The following OR2C3 variants were observed in gnomAD, a reference collection of about 807,000 sequenced individuals.
OR2C3 encodes olfactory receptor family 2 subfamily C member 3.
For synonymous variants in OR2C3, 178 were observed against 163.4 expected (o/e 1.09, Z -0.68); for missense variants, 425 against 401.5 (o/e 1.06, Z -0.50).
rs1393544729 is a variant in OR2C3 at position 247,529,750 on chromosome 1, C to T, written c.*1799G>A. The T allele has an allele frequency of 6.8e-5, 8 of 117,192 alleles. No individual in the cohort carries two copies. The highest frequency in any genetic ancestry group is 2.4e-4 in the East Asian group (1 of 4,194). The allele number at this position is 117,192 out of a possible 1,614,324, so 7.3% of individuals were successfully genotyped here. A position where few individuals can be genotyped will look rare whatever the true frequency, so the allele number is the denominator to read the frequency against. ...TTTTTTTTTTTTTTTTTTTTTGATG[C>T]GATTAACATTTAAATCAGTAGACTT... On this transcript the variant is annotated 3_prime_UTR_variant, in exon 3 of 3. Coordinates refer to ENST00000641802, the MANE Select transcript of OR2C3 (RefSeq NM_198074.6).
In OR2C3 at chr1:247,528,623, A is replaced by G. The variant is rs1666781282; in HGVS notation, c.*2926T>C. 1 of 152,238 alleles carries G rather than the reference A, an allele frequency of 6.6e-6. No homozygotes were observed. Among genetic ancestry groups the G allele is most frequent in the South Asian group, 2.1e-4 (1 of 4,828 alleles). The allele number at this position is 152,238 out of a possible 1,614,324, so 9.4% of individuals were successfully genotyped here. A position where few individuals can be genotyped will look rare whatever the true frequency, so the allele number is the denominator to read the frequency against. On this transcript the variant is annotated 3_prime_UTR_variant, in exon 3 of 3. Transcript: ENST00000641802. ...GTACCCCTCCAGGTGTTGCTGAAAG[A>G]TGGTGAGGAAGGGAAACTTCCCAGT... is the stretch of plus-strand genomic sequence containing the variant.
chr1:247,533,097 G>A (rs1333004639), intron 2 of OR2C3, among the ~76,000 whole-genome samples: 6 of 152,180 alleles, frequency 3.9e-5, no homozygotes, highest in Admixed American at 1.3e-4. Flanking sequence ...TTTTGCTGTC[G>A]TTAACTATAT....
In OR2C3 at chr1:247,531,902, T is replaced by C; in HGVS notation, c.610A>G (p.Ser204Gly). 6.2e-7 allele frequency: 1 copy of C among 1,614,146 alleles called. No individual in the cohort carries two copies. The highest frequency in any genetic ancestry group is 8.5e-7 in the Non-Finnish European group (1 of 1,180,024). The change falls in exon 3 of 3, where the codon AGC (serine) becomes GGC (glycine). Residue 204 changes from serine (S) to glycine (G), a missense_variant. Ser to Gly is a moderately conservative substitution (Grantham distance 56). Transcript: ENST00000641802. ...SLNEMEMYLA[S>G]FVFVVLPLGL... is the part of the protein sequence containing the mutation. ...AGAGGCAGGACAACAAAGACAAAGCTGGCCAGGTACATCTCCATCTCATTG... is the reference window on the plus strand; with the variant it reads ...AGAGGCAGGACAACAAAGACAAAGCCGGCCAGGTACATCTCCATCTCATTG...
In OR2C3 at chr1:247,531,913, A is replaced by G; in HGVS notation, c.599T>C (p.Met200Thr). The G allele has an allele frequency of 6.2e-7, 1 of 1,614,190 alleles. No individual in the cohort carries two copies. Among genetic ancestry groups the G allele is most frequent in the Non-Finnish European group, 8.5e-7 (1 of 1,180,030 alleles). The change falls in exon 3 of 3, where the codon ATG (methionine) becomes ACG (threonine). Residue 200 changes from methionine (M) to threonine (T), a missense_variant. Physicochemically the swap from Met to Thr is moderately conservative, Grantham distance 81 (BLOSUM62 -1). Coordinates refer to ENST00000641802, the MANE Select transcript of OR2C3 (RefSeq NM_198074.6). ...CVDTSLNEME[M>T]YLASFVFVVL... Reference sequence around the variant, plus strand: ...AACAAAGACAAAGCTGGCCAGGTACATCTCCATCTCATTGAGGCTGGTATC... The same window carrying G: ...AACAAAGACAAAGCTGGCCAGGTACGTCTCCATCTCATTGAGGCTGGTATC...
chr1:247,527,214 G>C lies in OR2C3; in HGVS notation c.*4335C>G, dbSNP rs1666716499. ...TGAGTTATGGTCATCATTCTCCTCTGTGCCAAACAGGGGCTGATGGATGGT... is the reference window on the plus strand; with the variant it reads ...TGAGTTATGGTCATCATTCTCCTCTCTGCCAAACAGGGGCTGATGGATGGT... On this transcript the variant is annotated 3_prime_UTR_variant, in exon 3 of 3. Transcript: ENST00000641802. This position sits in a 1 kb window ranked among gnomAD's most constrained non-coding sequence, Gnocchi z 4.6. 1.5e-5 allele frequency: 6 copies of C among 388,272 alleles called. 1 individual carries two copies. The highest frequency in any genetic ancestry group is 9.8e-5 in the South Asian group (5 of 51,194). The allele number at this position is 388,272 out of a possible 1,614,324, so 24.1% of individuals were successfully genotyped here. A position where few individuals can be genotyped will look rare whatever the true frequency, so the allele number is the denominator to read the frequency against.
At chr1:247,533,251 G>A (rs561913707) in intron 2 of OR2C3, among the ~76,000 whole-genome samples, 73 of 152,184 alleles carry the variant, frequency 4.8e-4, no homozygotes, top group Non-Finnish European at 9.3e-4. Flanking sequence ...TCAAAAAAGT[G>A]TTGGGGCTCA....
Position 247,530,851 on chromosome 1 carries a change from G to A in OR2C3, c.*698C>T, listed in dbSNP as rs1666911398. ...GCCCTCCACAGCCTAACGGCCTCCG[G>A]GCGCATTTGGGCGGCGCCATGTTTC... On this transcript the variant is annotated 3_prime_UTR_variant, in exon 3 of 3. Transcript: ENST00000641802. 1.1e-5 allele frequency: 1 copy of A among 87,518 alleles called. No individual in the cohort carries two copies. The highest frequency in any genetic ancestry group is 3.9e-5 in the African/African-American group (1 of 25,736). The allele number at this position is 87,518 out of a possible 1,614,324, so 5.4% of individuals were successfully genotyped here.
chr1:247,532,169 G>A lies in OR2C3; in HGVS notation c.343C>T (p.Leu115=). The change falls in exon 3 of 3, where the codon CTG becomes TTG. Residue 115 remains leucine (L), a synonymous_variant. Coordinates refer to ENST00000641802, the MANE Select transcript of OR2C3 (RefSeq NM_198074.6). ...SHWLGATECV[L]LATMSYDRYA... ...CGGTCATAGGACATGGTGGCCAGCA[G>A]GACACACTCGGTTGCCCCCAGCCAA... 1 of 1,614,068 alleles carries A rather than the reference G, an allele frequency of 6.2e-7. No individual in the cohort carries two copies. The highest frequency in any genetic ancestry group is 8.5e-7 in the Non-Finnish European group (1 of 1,180,008).
intron 1 of OR2C3, among the ~76,000 whole-genome samples, 198 bp from the exon 2 acceptor site, chr1:247,534,076 C>T (rs1158752658): frequency 6.6e-6 from 1 of 152,162 alleles, no homozygotes; most frequent in African/African-American, 2.4e-5. Context: ...TGAGGCCCTC[C>T]CTGACTGTGT....
Position 247,531,320 on chromosome 1 carries a change from T to C in OR2C3, c.*229A>G. The C allele has an allele frequency of 1.8e-6, 1 of 568,990 alleles. No homozygotes were observed. Among genetic ancestry groups the C allele is most frequent in the South Asian group, 2.3e-5 (1 of 44,156 alleles). 35.2% of individuals were successfully genotyped at this position (568,990 alleles called of 1,614,324 possible). On this transcript the variant is annotated 3_prime_UTR_variant, in exon 3 of 3. Transcript: ENST00000641802. ...ACAAAACAAGATGACAGTCAACATG[T>C]GTATATATAGCAAAAACCAACAACG...
Position 247,528,993 on chromosome 1 carries a change from ATG to A in OR2C3, c.*2554_*2555del, listed in dbSNP as rs1339545131. ...GCCAGCAGGCTTGCTCATTGAGCCT[ATG>A]AGAAATTTAACATGGAAGCAGGGAT... On this transcript the variant is annotated 3_prime_UTR_variant, in exon 3 of 3. Coordinates refer to ENST00000641802, the MANE Select transcript of OR2C3 (RefSeq NM_198074.6). 6.6e-6 allele frequency: 1 copy of A among 152,200 alleles called. No individual in the cohort carries two copies. Among genetic ancestry groups the A allele is most frequent in the East Asian group, 1.9e-4 (1 of 5,202 alleles). The allele number at this position is 152,200 out of a possible 1,614,324, so 9.4% of individuals were successfully genotyped here. A position where few individuals can be genotyped will look rare whatever the true frequency, so the allele number is the denominator to read the frequency against.
In OR2C3 at chr1:247,526,627, C is replaced by A; in HGVS notation, c.*4922G>T. ...CTCAGCTGTGCATGCTGTGGTGATG[C>A]ATGACCCTCACAGTGTGCAGCATGG... On this transcript the variant is annotated 3_prime_UTR_variant, in exon 3 of 3. Coordinates refer to ENST00000641802, the MANE Select transcript of OR2C3 (RefSeq NM_198074.6). This position sits in a 1 kb window ranked among gnomAD's most constrained non-coding sequence, Gnocchi z 4.8. 1 of 256,464 alleles carries A rather than the reference C, an allele frequency of 3.9e-6. No individual in the cohort carries two copies. The highest frequency in any genetic ancestry group is 4.4e-5 in the South Asian group (1 of 22,828). The allele number at this position is 256,464 out of a possible 1,614,324, so 15.9% of individuals were successfully genotyped here. A position where few individuals can be genotyped will look rare whatever the true frequency, so the allele number is the denominator to read the frequency against.
At position 247,532,514 on chromosome 1, in the gene OR2C3, T is replaced by C; in HGVS notation, c.-3A>G. ...CTCACATTGGCTATTTCCATCATTGTATGCTGGGGGTGGGGCAAAAGGCCA... is the reference window on the plus strand; with the variant it reads ...CTCACATTGGCTATTTCCATCATTGCATGCTGGGGGTGGGGCAAAAGGCCA... On this transcript the variant is annotated 5_prime_UTR_variant, in exon 3 of 3. It adds an upstream start codon to the 5' untranslated region. Transcript: ENST00000641802. 1 of 1,611,620 alleles carries C rather than the reference T, an allele frequency of 6.2e-7. No individual in the cohort carries two copies. Among genetic ancestry groups the C allele is most frequent in the East Asian group, 2.2e-5 (1 of 44,872 alleles).
chr1:247,527,619 G>A lies in OR2C3; in HGVS notation c.*3930C>T, dbSNP rs1162163938. On this transcript the variant is annotated 3_prime_UTR_variant, in exon 3 of 3. Coordinates refer to ENST00000641802, the MANE Select transcript of OR2C3 (RefSeq NM_198074.6). This position sits in a 1 kb window ranked among gnomAD's most constrained non-coding sequence, Gnocchi z 4.6. ...AATTTTTTTATTTTAGCTTTTAGTG[G>A]ACATATAATAATTGAACATATTTCT... 6.6e-6 allele frequency: 1 copy of A among 152,414 alleles called. No individual in the cohort carries two copies. Among genetic ancestry groups the A allele is most frequent in the Non-Finnish European group, 1.5e-5 (1 of 68,244 alleles). 9.4% of individuals were successfully genotyped at this position (152,414 alleles called of 1,614,324 possible).
Position 247,531,560 on chromosome 1 carries a change from CCAGCTTGCCTG to C in OR2C3, c.941_951del (p.Ala314GlyfsTer306). 1.2e-6 allele frequency: 2 copies of C among 1,613,240 alleles called. No homozygotes were observed. Among genetic ancestry groups the C allele is most frequent in the Middle Eastern group, 3.4e-4 (2 of 5,958 alleles). The stretch of plus-strand genomic sequence containing the variant: ...AGGCACTGGAGTCTCTAAATTTGCG[CCAGCTTGCCTG>C]CAGAGCCACAGCAGTTCTCTAATAC... On this transcript the variant is annotated frameshift_variant, in exon 3 of 3. Coordinates refer to ENST00000641802, the MANE Select transcript of OR2C3 (RefSeq NM_198074.6). LOFTEE classifies it high-confidence loss of function.
chr1:247,531,644 T>G lies in OR2C3; in HGVS notation c.868A>C (p.Ile290Leu). 1 of 1,614,088 alleles carries G rather than the reference T, an allele frequency of 6.2e-7. No homozygotes were observed. Among genetic ancestry groups the G allele is most frequent in the Admixed American group, 1.7e-5 (1 of 60,016 alleles). Residue 290 changes from isoleucine to leucine, a missense_variant, in exon 3 of 3, where the codon ATT (isoleucine) becomes CTT (leucine). Physicochemically the swap from Ile to Leu is conservative, Grantham distance 5. Transcript: ENST00000641802. ...ACCTCCGTGTTCCTCAGGGTGTAAA[T>G]AAGTGGGTTCAGCGCAGGAGTGACT... Reference protein sequence around the residue: ...TVVTPALNPLIYTLRNTEVKS... With the variant: ...TVVTPALNPLLYTLRNTEVKS...
Position 247,531,685 on chromosome 1 carries a change from G to C in OR2C3, c.827C>G (p.Ala276Gly), listed in dbSNP as rs764218035. 5 of 1,614,062 alleles carry C rather than the reference G, an allele frequency of 3.1e-6. No homozygotes were observed. The highest frequency in any genetic ancestry group is 2.7e-5 in the African/African-American group (2 of 74,924). Residue 276 changes from alanine (A) to glycine (G), a missense_variant, in exon 3 of 3, where the codon GCT becomes GGT. Physicochemically the swap from Ala to Gly is moderately conservative, Grantham distance 60. Coordinates refer to ENST00000641802, the MANE Select transcript of OR2C3 (RefSeq NM_198074.6). ...AGGAGTGACTACGGTGTAGAACAGAGCTATGAACTTGCCCTGCTCATGGGA... is the reference window on the plus strand; with the variant it reads ...AGGAGTGACTACGGTGTAGAACAGACCTATGAACTTGCCCTGCTCATGGGA... ...STSHEQGKFIALFYTVVTPAL... is the reference protein window; with the variant it reads ...STSHEQGKFIGLFYTVVTPAL...
intron 2 of OR2C3, among the ~76,000 whole-genome samples, chr1:247,532,972 A>C (rs906931941): frequency 6.6e-6 from 1 of 152,172 alleles, no homozygotes; most frequent in African/African-American, 2.4e-5. Flanking sequence ...ATCTATATGC[A>C]ACCTAAATGT....
Position 247,525,310 on chromosome 1 carries a change from T to TA in OR2C3, c.*6238dup, listed in dbSNP as rs935738905. The TA allele has an allele frequency of 6.6e-6, 1 of 152,218 alleles. No individual in the cohort carries two copies. Among genetic ancestry groups the TA allele is most frequent in the African/African-American group, 2.4e-5 (1 of 41,442 alleles). The allele number at this position is 152,218 out of a possible 1,614,324, so 9.4% of individuals were successfully genotyped here. On this transcript the variant is annotated 3_prime_UTR_variant, in exon 3 of 3. Transcript: ENST00000641802. ...AGTTTTGACACTATCTACCTGGAAA[T>TA]AACGCCAGGTCTGCTGGGTGAGGGC...
Sources: allele counts gnomAD v4.1 joint callset (sites outside exome capture counted in the v4.1 genomes callset), GRCh38; gene constraint gnomAD v4.1.1; non-coding constraint Gnocchi (gnomAD v3.1); transcripts MANE v1.5; gene names NCBI Gene and HGNC (gene_info 2026-07-23, HGNC 2026-07-21).